ZFAND2A: variants seen among roughly 807,000 people sequenced by gnomAD.
The protein encoded by ZFAND2A is AN1-type zinc finger protein 2A.
ZFAND2A carries 20 observed loss-of-function variants against 11.6 expected under a neutral mutation model. The ratio of observed to expected loss-of-function variants is 1.72; its 90% CI spans 1.21 to 2.50. ZFAND2A has a LOEUF of 2.50. Among genes scored for constraint, ZFAND2A ranks in the 30% most tolerant of loss-of-function variants. ZFAND2A has a pLI of 0.00. For missense variants in ZFAND2A, 234 were observed against 182.9 expected (o/e 1.28, Z -1.61); for synonymous variants, 93 against 60.6 (o/e 1.54, Z -2.48).
chr7:1,152,227 A>T (rs1793411773), downstream of ZFAND2A: 2 of 1,555,546 alleles, frequency 1.3e-6, no homozygotes, highest in Non-Finnish European at 1.7e-6. Flanking sequence ...CACACAGACG[A>T]AATTGCGTTC....
chr7:1,156,113 G>A (rs186783654), intron 3 of ZFAND2A, among the ~76,000 whole-genome samples: 13 of 139,266 alleles, frequency 9.3e-5, no homozygotes, highest in South Asian at 2.1e-4. Flanking sequence ...GGGGTGGACC[G>A]CCCAGCAAGG....
Position 1,155,475 on chromosome 7 carries a change from T to C in ZFAND2A, c.260A>G (p.His87Arg). The change falls in exon 4 of 5, where the codon CAC (histidine) becomes CGC (arginine). Residue 87 changes from histidine to arginine, a missense_variant. Coordinates refer to ENST00000316495, the MANE Select transcript of ZFAND2A (RefSeq NM_182491.4). ...GDHIDRDCDS[H>R]PGKKKEKIFT... ...TACCTTCTCTTTCTTCTTCCCAGGG[T>C]GAGAGTCACAGTCTCTGTCAATGTG... 2.5e-6 allele frequency: 4 copies of C among 1,613,672 alleles called. No homozygotes were observed. The highest frequency in any genetic ancestry group is 3.4e-6 in the Non-Finnish European group (4 of 1,179,784).
At chr7:1,155,671 CT>C in intron 3 of ZFAND2A, 87 bp from the exon 4 acceptor site, 11 of 1,520,658 alleles carry the variant, frequency 7.2e-6, no homozygotes, top group African/African-American at 1.4e-5. Context: ...GTGCGGCACA[CT>C]TAAACACAAA....
downstream of ZFAND2A, among the ~76,000 whole-genome samples, chr7:1,151,776 C>CAAAAAAA (rs1563158643): frequency 3.8e-5 from 2 of 52,652 alleles, no homozygotes; most frequent in African/African-American, 1.1e-4. Flanking sequence ...AAAAAAAAAG[C>CAAAAAAA]AAAGCCAGCC....
At chr7:1,152,367 A>G (rs920338686), downstream of ZFAND2A, 3 of 1,534,522 alleles carry the variant, frequency 2.0e-6, no homozygotes, top group Non-Finnish European at 2.6e-6. Flanking sequence ...TGGATGGATC[A>G]GCTCAGCCTC....
chr7:1,151,788 G>T (rs2128256943), downstream of ZFAND2A, among the ~76,000 whole-genome samples: 1 of 69,154 alleles, frequency 1.4e-5, no homozygotes, highest in East Asian at 2.9e-4. Flanking sequence ...AAGCCAGCCA[G>T]CATTGAAGCT....
At position 1,152,991 on chromosome 7, in the gene ZFAND2A, G is replaced by T; in HGVS notation, c.*78C>A. 6.3e-7 allele frequency: 1 copy of T among 1,576,544 alleles called. No individual in the cohort carries two copies. Among genetic ancestry groups the T allele is most frequent in the Non-Finnish European group, 8.7e-7 (1 of 1,154,728 alleles). ...CCAGTGTGGGATGGTGCTCAATGGG[G>T]CTCCACTTCCCACTAGAGTGTAAGC... On this transcript the variant is annotated 3_prime_UTR_variant, in exon 5 of 5. Coordinates refer to ENST00000316495, the MANE Select transcript of ZFAND2A (RefSeq NM_182491.4).
At chr7:1,149,292 G>C (rs1334826024), downstream of ZFAND2A, among the ~76,000 whole-genome samples, 1 of 152,214 alleles carries the variant, frequency 6.6e-6, no homozygotes, top group Admixed American at 6.5e-5. Context: ...CACTGTGCTG[G>C]CTGCGTTTTC....
downstream of ZFAND2A, among the ~76,000 whole-genome samples, chr7:1,149,638 T>C (rs1293943179): frequency 6.6e-6 from 1 of 152,200 alleles, no homozygotes; most frequent in Non-Finnish European, 1.5e-5. Context: ...CAGAGCTCGA[T>C]GGTGCGGCCT....
At chr7:1,152,048 C>A (rs1012686263), downstream of ZFAND2A, 5 of 531,912 alleles carry the variant, frequency 9.4e-6, no homozygotes, top group African/African-American at 1.9e-5. Flanking sequence ...CTGTATGATG[C>A]TGCTGCTGCC....
At chr7:1,150,279 C>G (rs945259289), downstream of ZFAND2A, among the ~76,000 whole-genome samples, 1 of 151,924 alleles carries the variant, frequency 6.6e-6, no homozygotes, top group South Asian at 2.1e-4. Flanking sequence ...AGAACGCCAA[C>G]AGAATACAAA....
rs1793576390 is a variant in ZFAND2A at position 1,158,154 on chromosome 7, T to C, written c.55+4A>G. ...TTTCTATTAAGTCTCTTAAAAGTAC[T>C]CACCTAGCTGCTTGCAAGTCTTTTC... On this transcript the variant is annotated splice_donor_region_variant and intron_variant, in intron 2 of 4. Coordinates refer to ENST00000316495, the MANE Select transcript of ZFAND2A (RefSeq NM_182491.4). The C allele has an allele frequency of 6.2e-7, 1 of 1,613,438 alleles. No homozygotes were observed. Among genetic ancestry groups the C allele is most frequent in the African/African-American group, 1.3e-5 (1 of 75,054 alleles).
Position 1,155,600 on chromosome 7 carries a change from G to C in ZFAND2A, c.151-16C>G, listed in dbSNP as rs773932125. On this transcript the variant is annotated splice_polypyrimidine_tract_variant and intron_variant, in intron 3 of 4. Transcript: ENST00000316495. ...CGTGAACATCCTAAAAATAACAAAG[G>C]TAAGATGGCATCTGAGACTCATGCA... 1.2e-6 allele frequency: 2 copies of C among 1,610,038 alleles called. No homozygotes were observed. Among genetic ancestry groups the C allele is most frequent in the East Asian group, 4.5e-5 (2 of 44,780 alleles).
chr7:1,160,187 T>A lies in ZFAND2A; in HGVS notation c.-269A>T, dbSNP rs186256650. On this transcript the variant is annotated 5_prime_UTR_variant, in exon 1 of 5. Transcript: ENST00000316495. ...CCGCAGCCCCCGGATCTGAGAGCCG[T>A]CTGGGCCTTGGGGTTTCCGGGCGCG... 13 of 152,128 alleles carry A rather than the reference T, an allele frequency of 8.5e-5. No homozygotes were observed. In the East Asian group the frequency reaches 2.5e-3, roughly 29 times the overall value. The allele number at this position is 152,128 out of a possible 1,614,324, so 9.4% of individuals were successfully genotyped here. A position where few individuals can be genotyped will look rare whatever the true frequency, so the allele number is the denominator to read the frequency against.
chr7:1,158,552 C>A (rs1793588327), intron 1 of ZFAND2A, among the ~76,000 whole-genome samples: 1 of 152,172 alleles, frequency 6.6e-6, no homozygotes, highest in Non-Finnish European at 1.5e-5. Context: ...GTGATGATTA[C>A]GACTTTGGTG....
chr7:1,159,150 T>G (rs1243327817), intron 1 of ZFAND2A, among the ~76,000 whole-genome samples: 1 of 152,112 alleles, frequency 6.6e-6, no homozygotes, highest in African/African-American at 2.4e-5. Context: ...CCAGCCCTCC[T>G]TCGCCCACAG....
At chr7:1,158,300 C>T (rs1418336843) in intron 1 of ZFAND2A, 43 bp from the exon 2 acceptor site, 9 of 1,180,282 alleles carry the variant, frequency 7.6e-6, no homozygotes, top group Non-Finnish European at 1.1e-5. Context: ...CTGGACTGCC[C>T]TTCAGTCACC....
intron 1 of ZFAND2A, among the ~76,000 whole-genome samples, chr7:1,159,319 C>T (rs1793616756): frequency 6.6e-6 from 1 of 152,264 alleles, no homozygotes; most frequent in South Asian, 2.1e-4. Flanking sequence ...GAAACCAACA[C>T]CCTACCCTGG....
At chr7:1,155,852 C>T (rs1793513893) in intron 3 of ZFAND2A, among the ~76,000 whole-genome samples, 1 of 152,256 alleles carries the variant, frequency 6.6e-6, no homozygotes, top group Non-Finnish European at 1.5e-5. Context: ...CCATCTCAGG[C>T]TGGCACCGCC....
Sources: allele counts gnomAD v4.1 joint callset (sites outside exome capture counted in the v4.1 genomes callset), GRCh38; gene constraint gnomAD v4.1.1; transcripts MANE v1.5; gene names NCBI Gene and HGNC (gene_info 2026-07-23, HGNC 2026-07-21).